TCF4: variants seen among roughly 807,000 people sequenced by gnomAD.
TCF4 encodes the protein transcription factor 4, also known as SL3-3 enhancer factor 2.
TCF4 carries 3 observed loss-of-function variants against 82.1 expected under a neutral mutation model. The observed-to-expected ratio is 0.04, with a 90% CI of 0.02 to 0.09. The LOEUF (loss-of-function observed/expected upper bound fraction) is 0.09, where lower values mean the gene tolerates loss of function less well. TCF4 is among the 10% of genes least tolerant of loss of function. TCF4 has a pLI of 1.00. For synonymous variants in TCF4, 276 were observed against 309.6 expected (o/e 0.89, Z 1.14); for missense variants, 518 against 852.7 (o/e 0.61, Z 4.89).
chr18:55,236,068 CAT>C (rs765322678), intron 15 of TCF4, among the ~76,000 whole-genome samples: 5 of 41,930 alleles, frequency 1.2e-4, no homozygotes, highest in Admixed American at 1.0e-3. Flanking sequence ...TTCATGTGTG[CAT>C]GTGTGTGTGT....
In TCF4 at chr18:55,452,368, G is replaced by A. The variant is rs576512976; in HGVS notation, c.304+8651C>T. Among the ~76,000 whole-genome samples, 82 of 152,338 alleles carry A rather than the reference G, an allele frequency of 5.4e-4. 1 individual carries two copies. Among genetic ancestry groups the A allele is most frequent in the African/African-American group, 1.8e-3 (76 of 41,572 alleles). On this transcript the variant is annotated intron_variant, in intron 5 of 19. Coordinates refer to ENST00000354452, the MANE Select transcript of TCF4 (RefSeq NM_001083962.2). ...GAGGGTTTTCTCCCCTAGGCAGTAGGCATTCTTGTCTGACTGTTTCATGGT... is the reference window on the plus strand; with the variant it reads ...GAGGGTTTTCTCCCCTAGGCAGTAGACATTCTTGTCTGACTGTTTCATGGT...
At chr18:55,574,530 A>C (rs1242769592) in intron 3 of TCF4, among the ~76,000 whole-genome samples, 1 of 152,164 alleles carries the variant, frequency 6.6e-6, no homozygotes, top group African/African-American at 2.4e-5. Context: ...TCTACAAAAT[A>C]ATTAAATCAT....
At chr18:55,423,731 GAC>G (rs1034536817) in intron 5 of TCF4, 27 of 152,446 alleles carry the variant, frequency 1.8e-4, no homozygotes, top group African/African-American at 4.6e-4. Context: ...CAGTCTGTCA[GAC>G]ACACACACAC....
At chr18:55,593,672 C>T (rs903522471) in intron 2 of TCF4, among the ~76,000 whole-genome samples, 2 of 152,120 alleles carry the variant, frequency 1.3e-5, no homozygotes, top group African/African-American at 4.8e-5. Flanking sequence ...CTCCCCGAGT[C>T]CCACCTGTGT....
chr18:55,375,219 T>A (rs1359922787), intron 6 of TCF4, among the ~76,000 whole-genome samples: 2 of 151,478 alleles, frequency 1.3e-5, no homozygotes, highest in African/African-American at 2.4e-5. Flanking sequence ...TATAAAAATT[T>A]AAATAAAATA....
chr18:55,349,678 C>T (rs962617721), intron 8 of TCF4, among the ~76,000 whole-genome samples: 2 of 151,700 alleles, frequency 1.3e-5, no homozygotes, highest in African/African-American at 2.4e-5. Flanking sequence ...TATCTAGGAA[C>T]GTAAGAATTC....
chr18:55,295,133 C>T (rs1223871189), intron 8 of TCF4, among the ~76,000 whole-genome samples: 2 of 152,192 alleles, frequency 1.3e-5, no homozygotes, highest in African/African-American at 4.8e-5. Flanking sequence ...TCCCATTTCA[C>T]CTGCCCCCTA....
intron 5 of TCF4, among the ~76,000 whole-genome samples, chr18:55,449,887 C>T (rs78528994): frequency 0.026 from 3,900 of 151,878 alleles, 165 homozygotes; most frequent in African/African-American, 0.088. Context: ...ATCACTTCCA[C>T]GTTCTGCCAG....
At chr18:55,262,930 C>T (rs1053640211) in intron 11 of TCF4, among the ~76,000 whole-genome samples, 5 of 152,096 alleles carry the variant, frequency 3.3e-5, no homozygotes, top group African/African-American at 1.2e-4. Context: ...CCTCAGCCTC[C>T]TGAGTAGCTA....
intron 2 of TCF4, among the ~76,000 whole-genome samples, chr18:55,609,902 A>C (rs2097705557): frequency 7.3e-6 from 1 of 136,200 alleles, no homozygotes; most frequent in Non-Finnish European, 1.7e-5. Context: ...CACAACTTCC[A>C]CACTCACCCC....
intron 1 of TCF4, among the ~76,000 whole-genome samples, chr18:55,632,184 G>T (rs1213600341): frequency 5.9e-5 from 9 of 152,038 alleles, no homozygotes; most frequent in African/African-American, 1.2e-4. Context: ...GACTACAGGC[G>T]CCTGCAACCA....
At chr18:55,554,349 C>T (rs2097285917) in intron 3 of TCF4, among the ~76,000 whole-genome samples, 1 of 151,830 alleles carries the variant, frequency 6.6e-6, no homozygotes, top group Non-Finnish European at 1.5e-5. Flanking sequence ...TATTAATAAA[C>T]ACTAGTTTAT....
At chr18:55,346,480 T>C (rs1288597736) in intron 8 of TCF4, among the ~76,000 whole-genome samples, 3 of 152,102 alleles carry the variant, frequency 2.0e-5, no homozygotes, top group Non-Finnish European at 2.9e-5. Context: ...TACTTTAACG[T>C]AGAAAAAAGA....
chr18:55,337,102 T>C (rs2078813082), intron 8 of TCF4, among the ~76,000 whole-genome samples: 2 of 152,082 alleles, frequency 1.3e-5, no homozygotes, highest in South Asian at 4.2e-4. Flanking sequence ...CTCAAAAATA[T>C]GTGTTTAAAT....
At chr18:55,556,800 T>A (rs923264041) in intron 3 of TCF4, among the ~76,000 whole-genome samples, 1 of 152,246 alleles carries the variant, frequency 6.6e-6, no homozygotes, top group Admixed American at 6.5e-5. Context: ...ATTACTGTTA[T>A]TCAGTTCAGT....
At chr18:55,417,407 T>G (rs928769035) in intron 5 of TCF4, among the ~76,000 whole-genome samples, 2 of 152,188 alleles carry the variant, frequency 1.3e-5, no homozygotes, top group African/African-American at 4.8e-5. Flanking sequence ...AAAGTGATCA[T>G]TGGATTAGGG....
chr18:55,232,743 C>A (rs1172661579), intron 16 of TCF4, 72 bp from the exon 17 acceptor site: 4 of 1,559,212 alleles, frequency 2.6e-6, no homozygotes, highest in Non-Finnish European at 3.5e-6. Context: ...TGCAAGGCTG[C>A]CAGCAGACAA....
chr18:55,229,876 T>C (rs749331033), intron 17 of TCF4: 1 of 152,292 alleles, frequency 6.6e-6, no homozygotes, highest in Non-Finnish European at 1.5e-5. Flanking sequence ...AGCTTATGAA[T>C]GACCATGACC....
At chr18:55,510,829 G>A (rs2096820460) in intron 3 of TCF4, 2 of 1,100,288 alleles carry the variant, frequency 1.8e-6, no homozygotes, top group Non-Finnish European at 2.3e-6. Context: ...AAATGATACT[G>A]GCTGTGTGTT....
Sources: gnomAD v4.1 joint callset for allele counts (sites outside exome capture counted in the v4.1 genomes callset) on GRCh38, gnomAD v4.1.1 for gene constraint, MANE v1.5 for transcripts, NCBI Gene and HGNC (gene_info 2026-07-23, HGNC 2026-07-21) for gene names.